HMGCLL1: variants seen among roughly 807,000 people sequenced by gnomAD.
HMGCLL1 encodes 3-hydroxy-3-methylglutaryl-CoA lyase like 1, also known as 3-hydroxymethyl-3-methylglutaryl-CoA lyase, cytoplasmic.
A neutral mutation model predicts 39.1 loss-of-function variants in HMGCLL1; 36 were observed. The observed-to-expected ratio is 0.92, with a 90% CI of 0.71 to 1.22. The LOEUF is 1.22. Ranked by LOEUF, HMGCLL1 falls within the 50% of genes most tolerant of loss-of-function variation. The pLI, the probability that HMGCLL1 is intolerant of heterozygous loss-of-function variation, is 0.00. For missense variants in HMGCLL1, 451 were observed against 416.5 expected, an observed-to-expected ratio of 1.08 and a Z score of -0.72; for synonymous variants, 149 against 144.0, an observed-to-expected ratio of 1.03 and a Z score of -0.25.
chr6:55,456,711 C>T (rs1764338521), intron 7 of HMGCLL1, among the ~76,000 whole-genome samples: 1 of 152,186 alleles, frequency 6.6e-6, no homozygotes. Context: ...CTTCTGCTGA[C>T]CATGGACAGG....
chr6:55,650,090 CATATATATATATATAT>C, the HMGCLL1 span, among the ~76,000 whole-genome samples: 84 of 52,284 alleles, frequency 1.6e-3, 3 homozygotes, highest in Middle Eastern at 0.032. Context: ...CACACATATA[CATATATATATATATAT>C]ATATATATAT....
chr6:55,477,547 A>T (rs1420576269), intron 7 of HMGCLL1, among the ~76,000 whole-genome samples: 2 of 126,854 alleles, frequency 1.6e-5, no homozygotes, highest in Non-Finnish European at 3.2e-5. Flanking sequence ...ATATAAATAA[A>T]TGATGGACCA....
chr6:55,513,210 T>C (rs901943571), intron 5 of HMGCLL1: 1 of 152,132 alleles, frequency 6.6e-6, no homozygotes, highest in African/African-American at 2.4e-5. Flanking sequence ...ACATAATCTT[T>C]CAATACAAGT....
chr6:55,661,461 T>C, the HMGCLL1 span, among the ~76,000 whole-genome samples: 1 of 151,738 alleles, frequency 6.6e-6, no homozygotes, highest in South Asian at 2.1e-4. Context: ...GCACCATTCA[T>C]TGAATGAGTT....
chr6:55,581,897 A>T (rs996292183), upstream of HMGCLL1, among the ~76,000 whole-genome samples: 9 of 151,996 alleles, frequency 5.9e-5, no homozygotes, highest in African/African-American at 2.2e-4. Context: ...TTCTCTAGTG[A>T]CTTTATTAAT....
At chr6:55,631,735 T>G in the HMGCLL1 span, among the ~76,000 whole-genome samples, 35 of 152,236 alleles carry the variant, frequency 2.3e-4, no homozygotes, top group Admixed American at 2.0e-3. Flanking sequence ...TTCTCCACAA[T>G]TTACTGTGGA....
At chr6:55,523,081 C>A (rs1049832488) in intron 3 of HMGCLL1, among the ~76,000 whole-genome samples, 1 of 151,696 alleles carries the variant, frequency 6.6e-6, no homozygotes, top group Non-Finnish European at 1.5e-5. Context: ...TATTTTGTAC[C>A]CTTTTCCCTG....
At position 55,462,952 on chromosome 6, in the gene HMGCLL1, A is replaced by G. The variant is rs538813129; in HGVS notation, c.796-23393T>C. Among the ~76,000 whole-genome samples the G allele has an allele frequency of 2.6e-5, 4 of 152,212 alleles. 1 individual carries two copies. The South Asian group carries it at 8.3e-4, about 32-fold the overall frequency. On this transcript the variant is annotated intron_variant, in intron 7 of 8. Coordinates refer to ENST00000274901, the MANE Select transcript of HMGCLL1 (RefSeq NM_001042406.2). ...TACAAGGAATCGCCCCAGAACTGGA[A>G]CAATATGTAGGGTCAAAACTCACAA...
chr6:55,645,625 C>T, the HMGCLL1 span, among the ~76,000 whole-genome samples: 6 of 152,068 alleles, frequency 3.9e-5, no homozygotes, highest in South Asian at 8.3e-4. Context: ...TGAACTTTAT[C>T]AAATGCCTTT....
At chr6:55,677,386 C>T in the HMGCLL1 span, among the ~76,000 whole-genome samples, 1 of 152,006 alleles carries the variant, frequency 6.6e-6, no homozygotes, top group Non-Finnish European at 1.5e-5. Flanking sequence ...AAACAACCCC[C>T]CCGACACATA....
the HMGCLL1 span, among the ~76,000 whole-genome samples, chr6:55,618,183 A>G: frequency 1.3e-5 from 2 of 152,098 alleles, no homozygotes; most frequent in East Asian, 3.9e-4. Flanking sequence ...TATAATTGGT[A>G]AGAGACATAC....
chr6:55,547,073 G>A (rs910442219), intron 1 of HMGCLL1, among the ~76,000 whole-genome samples: 1 of 152,138 alleles, frequency 6.6e-6, no homozygotes, highest in Middle Eastern at 3.4e-3. Flanking sequence ...AGACCTGAAA[G>A]AGATTAAATG....
chr6:55,677,599 C>T, the HMGCLL1 span, among the ~76,000 whole-genome samples: 2 of 152,156 alleles, frequency 1.3e-5, no homozygotes, highest in East Asian at 1.9e-4. Context: ...AGTAATTCTT[C>T]AGTTACAGTC....
Position 55,542,065 on chromosome 6 carries a change from C to G in HMGCLL1, c.184G>C (p.Glu62Gln), listed in dbSNP as rs1461007892. The G allele has an allele frequency of 6.3e-7, 1 of 1,593,056 alleles. No homozygotes were observed. Among genetic ancestry groups the G allele is most frequent in the Non-Finnish European group, 8.6e-7 (1 of 1,162,862 alleles). Residue 62 changes from glutamate (E) to glutamine (Q), a missense_variant, in exon 2 of 9, where the codon GAA becomes CAA. Physicochemically the swap from Glu to Gln is conservative, Grantham distance 29. Coordinates refer to ENST00000274901, the MANE Select transcript of HMGCLL1 (RefSeq NM_001042406.2). ...AGTAAATGATGTAAAACTACCTTTT[C>G]ATTCTGCAATCCATCCCTAGGCCCA... ...EVGPRDGLQNEKVIVPTDIKI... is the reference protein window; with the variant it reads ...EVGPRDGLQNQKVIVPTDIKI...
chr6:55,544,917 A>G (rs1011293975), intron 1 of HMGCLL1, among the ~76,000 whole-genome samples: 1 of 152,052 alleles, frequency 6.6e-6, no homozygotes, highest in Non-Finnish European at 1.5e-5. Flanking sequence ...TCAGCTTTAA[A>G]CTCCATTTGG....
At chr6:55,491,068 T>C (rs2127420367) in intron 7 of HMGCLL1, among the ~76,000 whole-genome samples, 1 of 152,240 alleles carries the variant, frequency 6.6e-6, no homozygotes, top group East Asian at 1.9e-4. Context: ...TTCTAGAAAT[T>C]CTGTATCTCA....
At chr6:55,591,056 A>G in the HMGCLL1 span, among the ~76,000 whole-genome samples, 1 of 152,074 alleles carries the variant, frequency 6.6e-6, no homozygotes, top group Non-Finnish European at 1.5e-5. Flanking sequence ...ATTTTCAAGA[A>G]TAAATAATAA....
At chr6:55,537,386 T>C (rs993428703) in intron 3 of HMGCLL1, among the ~76,000 whole-genome samples, 1 of 152,166 alleles carries the variant, frequency 6.6e-6, no homozygotes, top group East Asian at 1.9e-4. Context: ...TAAAGTAAAA[T>C]ATATAACATA....
intron 5 of HMGCLL1, chr6:55,512,105 G>C (rs1441859950): frequency 6.6e-6 from 1 of 152,048 alleles, no homozygotes; most frequent in African/African-American, 2.4e-5. Flanking sequence ...TATTAGCCCA[G>C]TTACATTAAC....
Sources: allele counts gnomAD v4.1 joint callset (sites outside exome capture counted in the v4.1 genomes callset), GRCh38; gene constraint gnomAD v4.1.1; transcripts MANE v1.5; gene names NCBI Gene and HGNC (gene_info 2026-07-23, HGNC 2026-07-21).